Variants in LINGO2 observed in about 807,000 individuals in gnomAD.
LINGO2 encodes the protein leucine-rich repeat and immunoglobulin-like domain-containing nogo receptor-interacting protein 2.
A neutral mutation model predicts 30.6 loss-of-function variants in LINGO2; 14 were observed. The ratio of observed to expected loss-of-function variants is 0.46; its 90% CI spans 0.30 to 0.72. The LOEUF is 0.72. Among genes scored for constraint, LINGO2 ranks in the 30% least tolerant of loss-of-function variants. The probability of loss-of-function intolerance (pLI) is 0.07; values close to 1 mark genes in which losing one functional copy is unlikely to be tolerated. For missense variants in LINGO2, 729 were observed against 751.7 expected, an observed-to-expected ratio of 0.97 and a Z score of 0.35; for synonymous variants, 317 against 288.5, an observed-to-expected ratio of 1.10 and a Z score of -1.00.
the LINGO2 span, among the ~76,000 whole-genome samples, chr9:28,806,300 G>A: frequency 2.0e-5 from 3 of 152,152 alleles, no homozygotes; most frequent in African/African-American, 7.2e-5. Context: ...AGATAAATGT[G>A]AATCACACAT....
intron 4 of LINGO2, among the ~76,000 whole-genome samples, chr9:28,089,180 T>C (rs930217622): frequency 1.3e-5 from 2 of 152,012 alleles, no homozygotes; most frequent in African/African-American, 2.4e-5. Context: ...AACAAGGATA[T>C]CCAGGAATTG....
intron 1 of LINGO2, among the ~76,000 whole-genome samples, chr9:28,483,186 A>T (rs1826043255): frequency 6.6e-6 from 1 of 152,108 alleles, no homozygotes; most frequent in Non-Finnish European, 1.5e-5. Context: ...GTTTCTCCTT[A>T]ACTCTATTAT....
At chr9:29,038,398 T>C in the LINGO2 span, among the ~76,000 whole-genome samples, 2 of 152,080 alleles carry the variant, frequency 1.3e-5, no homozygotes, top group African/African-American at 4.8e-5. Context: ...GTAACTGGCA[T>C]AGGAGTGGGA....
intron 1 of LINGO2, among the ~76,000 whole-genome samples, chr9:28,524,904 T>C (rs1820957740): frequency 6.6e-6 from 1 of 152,114 alleles, no homozygotes; most frequent in African/African-American, 2.4e-5. Flanking sequence ...CCAAAAATGA[T>C]ATATGAATCA....
the LINGO2 span, among the ~76,000 whole-genome samples, chr9:29,042,562 T>C: frequency 1.3e-5 from 2 of 152,010 alleles, no homozygotes; most frequent in Non-Finnish European, 1.5e-5. Context: ...AAAAATGTAT[T>C]TTCCTTTGTT....
chr9:28,107,610 A>G (rs995558917), intron 4 of LINGO2, among the ~76,000 whole-genome samples: 4 of 152,100 alleles, frequency 2.6e-5, no homozygotes, highest in Non-Finnish European at 5.9e-5. Flanking sequence ...ATTTACCTCT[A>G]TTAGTTATAG....
chr9:28,461,379 T>A (rs886869678), intron 2 of LINGO2, among the ~76,000 whole-genome samples: 5 of 152,254 alleles, frequency 3.3e-5, no homozygotes, highest in African/African-American at 1.2e-4. Flanking sequence ...TGAAATGGTG[T>A]TTCCTGGCCA....
intron 4 of LINGO2, among the ~76,000 whole-genome samples, chr9:28,104,619 C>T (rs529985397): frequency 6.6e-6 from 1 of 151,992 alleles, no homozygotes; most frequent in East Asian, 1.9e-4. Context: ...CCCTGACTCT[C>T]CATTATTGTG....
chr9:28,311,448 T>C (rs10812777), intron 3 of LINGO2, among the ~76,000 whole-genome samples: 1 of 152,190 alleles, frequency 6.6e-6, no homozygotes, highest in Non-Finnish European at 1.5e-5. Flanking sequence ...TACTGGAGAC[T>C]GGGGCTTATT....
intron 1 of LINGO2, among the ~76,000 whole-genome samples, chr9:28,567,968 C>A (rs955529063): frequency 1.2e-4 from 19 of 152,090 alleles, no homozygotes; most frequent in African/African-American, 4.6e-4. Context: ...CTTCCCATCC[C>A]ACAAAATAAA....
At chr9:28,431,886 T>C (rs61636057) in intron 2 of LINGO2, among the ~76,000 whole-genome samples, 5,530 of 147,310 alleles carry the variant, frequency 0.038, 345 homozygotes, top group African/African-American at 0.13. Flanking sequence ...CAATACTTAA[T>C]AGGACATTTT....
the LINGO2 span, among the ~76,000 whole-genome samples, chr9:28,907,300 T>C: frequency 1.3e-5 from 2 of 151,946 alleles, no homozygotes; most frequent in South Asian, 4.1e-4. Flanking sequence ...TTTGTGCCTA[T>C]GAGAATGAGT....
chr9:28,603,499 G>A (rs1012970554), intron 1 of LINGO2, among the ~76,000 whole-genome samples: 1 of 152,062 alleles, frequency 6.6e-6, no homozygotes, highest in Admixed American at 6.6e-5. Flanking sequence ...CTAAATTGTA[G>A]CCACATTAAT....
the LINGO2 span, among the ~76,000 whole-genome samples, chr9:28,716,646 T>C: frequency 6.6e-6 from 1 of 152,084 alleles, no homozygotes; most frequent in Non-Finnish European, 1.5e-5. Flanking sequence ...AGGCCAGAAA[T>C]TGTGTTCCAT....
At position 28,208,383 on chromosome 9, in the gene LINGO2, T is replaced by G. The variant is rs141185935; in HGVS notation, c.-87+86825A>C. Reference sequence around the variant, plus strand: ...TTCAAAGCATTTTTATGATGATATATCTTACGGCAAATCTTAGTTATTCAC... The same window carrying G: ...TTCAAAGCATTTTTATGATGATATAGCTTACGGCAAATCTTAGTTATTCAC... On this transcript the variant is annotated intron_variant, in intron 4 of 5. Coordinates refer to ENST00000379992, the Ensembl canonical transcript of LINGO2. 1.1e-4 allele frequency among the ~76,000 whole-genome samples: 16 copies of G among 152,216 alleles called. No individual in the cohort carries two copies. The East Asian group carries it at 2.7e-3, about 26-fold the overall frequency.
the LINGO2 span, among the ~76,000 whole-genome samples, chr9:28,719,290 A>G: frequency 5.3e-5 from 8 of 151,862 alleles, no homozygotes; most frequent in Non-Finnish European, 5.9e-5. Flanking sequence ...AACACTCCCT[A>G]CATCTTCTCT....
chr9:28,620,294 T>G (rs56357406), intron 1 of LINGO2, among the ~76,000 whole-genome samples: 6,554 of 152,196 alleles, frequency 0.043, 344 homozygotes, highest in African/African-American at 0.12. Context: ...CAAAGTGTGT[T>G]CATCAGAAGC....
chr9:28,743,697 A>T, the LINGO2 span, among the ~76,000 whole-genome samples: 1 of 151,820 alleles, frequency 6.6e-6, no homozygotes, highest in Non-Finnish European at 1.5e-5. Context: ...CTATGGGATG[A>T]GTAGTTTTTT....
intron 4 of LINGO2, among the ~76,000 whole-genome samples, chr9:28,222,597 G>A (rs755646152): frequency 6.6e-6 from 1 of 151,866 alleles, no homozygotes; most frequent in Non-Finnish European, 1.5e-5. Context: ...TAAAAATTAG[G>A]CATTTGTTTC....
Sources: gnomAD v4.1 joint callset for allele counts (sites outside exome capture counted in the v4.1 genomes callset) on GRCh38, gnomAD v4.1.1 for gene constraint, MANE v1.5 for transcripts, NCBI Gene and HGNC (gene_info 2026-07-23, HGNC 2026-07-21) for gene names.